Variants in ADAMTS12 observed in about 807,000 individuals in gnomAD.
ADAMTS12 encodes ADAM metallopeptidase with thrombospondin type 1 motif 12, also known as A disintegrin and metalloproteinase with thrombospondin motifs 12.
In ADAMTS12, 118 loss-of-function variants were observed where a neutral mutation model predicts 167.8. The observed-to-expected ratio is 0.70, with a 90% CI of 0.61 to 0.82. ADAMTS12 has a LOEUF of 0.82. Among genes scored for constraint, ADAMTS12 ranks in the 40% least tolerant of loss-of-function variants. The pLI is 0.00. For missense variants in ADAMTS12, 1,916 were observed against 1,998.8 expected (o/e 0.96, Z 0.79); for synonymous variants, 704 against 716.9 (o/e 0.98, Z 0.29).
intron 5 of ADAMTS12, among the ~76,000 whole-genome samples, chr5:33,677,934 G>C (rs1431508397): frequency 6.6e-6 from 1 of 152,104 alleles, no homozygotes; most frequent in Non-Finnish European, 1.5e-5. Context: ...GTGGTCTTTA[G>C]ATGGTGGTAA....
intron 22 of ADAMTS12, among the ~76,000 whole-genome samples, chr5:33,537,345 T>C (rs1744469076): frequency 6.6e-6 from 1 of 152,220 alleles, no homozygotes; most frequent in African/African-American, 2.4e-5. Context: ...TTAAGGTAAA[T>C]GCAAAAGATG....
intron 3 of ADAMTS12, among the ~76,000 whole-genome samples, chr5:33,739,266 TAAAC>T (rs940730629): frequency 3.3e-5 from 5 of 151,610 alleles, no homozygotes; most frequent in African/African-American, 1.2e-4. Flanking sequence ...CACACACACA[TAAAC>T]ACACACACAT....
chr5:33,709,136 A>G (rs1743300274), intron 3 of ADAMTS12, among the ~76,000 whole-genome samples: 1 of 152,316 alleles, frequency 6.6e-6, no homozygotes, highest in African/African-American at 2.4e-5. Flanking sequence ...AGAAATGCAA[A>G]TCGAAACCAC....
chr5:33,546,200 G>T lies in ADAMTS12; in HGVS notation c.4305C>A (p.Cys1435Ter), dbSNP rs757485140. 2.9e-5 allele frequency: 47 copies of T among 1,611,294 alleles called. No individual in the cohort carries two copies. The highest frequency in any genetic ancestry group is 3.9e-5 in the Non-Finnish European group (46 of 1,179,080). ...GAACTCCACCTCCACAGGACCTGGA[G>T]CACTGATACACAGCAGTGACAAGAT... ...EAWQVEPWSQ[C>*]SRSCGGGVQE... The change falls in exon 22 of 24, where the codon TGC becomes TGA. Residue 1435 changes from cysteine (C) to a stop codon, truncating the protein, a stop_gained and splice_region_variant. Coordinates refer to ENST00000504830, the MANE Select transcript of ADAMTS12 (RefSeq NM_030955.4). LOFTEE classifies it high-confidence loss of function.
intron 3 of ADAMTS12, among the ~76,000 whole-genome samples, chr5:33,697,387 AC>A (rs1022416437): frequency 2.4e-4 from 36 of 152,214 alleles, no homozygotes; most frequent in African/African-American, 8.4e-4. Flanking sequence ...TTCAGTGAGC[AC>A]CTGTTTGTTT....
intron 13 of ADAMTS12, 22 bp downstream of exon 13, chr5:33,630,758 A>G: frequency 6.3e-7 from 1 of 1,598,350 alleles, no homozygotes; most frequent in Non-Finnish European, 8.6e-7. Context: ...AAAGTTGTAG[A>G]TTAAGGAAAC....
chr5:33,741,417 G>A (rs918125667), intron 3 of ADAMTS12, among the ~76,000 whole-genome samples: 2 of 152,078 alleles, frequency 1.3e-5, no homozygotes, highest in African/African-American at 4.8e-5. Context: ...CTTCTTATGA[G>A]GGCAAAGTCA....
chr5:33,601,726 A>G (rs570817219), intron 16 of ADAMTS12, among the ~76,000 whole-genome samples: 2 of 152,344 alleles, frequency 1.3e-5, no homozygotes, highest in South Asian at 2.1e-4. Flanking sequence ...TTTTACTATC[A>G]TCATTTGTTG....
At chr5:33,581,074 A>T (rs1268479723) in intron 18 of ADAMTS12, among the ~76,000 whole-genome samples, 2 of 152,210 alleles carry the variant, frequency 1.3e-5, no homozygotes, top group Non-Finnish European at 2.9e-5. Flanking sequence ...CTTTTCTCCT[A>T]GTCACTGCAG....
At chr5:33,808,235 G>A (rs911603158) in intron 2 of ADAMTS12, among the ~76,000 whole-genome samples, 1 of 152,156 alleles carries the variant, frequency 6.6e-6, no homozygotes, top group African/African-American at 2.4e-5. Flanking sequence ...GCAGGGCCTG[G>A]GAAAAGCTAT....
At chr5:33,627,355 GTGATGGTGGTGGTGT>G (rs1441885073) in intron 13 of ADAMTS12, among the ~76,000 whole-genome samples, 4 of 140,576 alleles carry the variant, frequency 2.8e-5, no homozygotes, top group African/African-American at 5.8e-5. Context: ...AGTGATGGTG[GTGATGGTGGTGGTGT>G]TGATGGTGGT....
At chr5:33,605,554 T>C (rs1738391476) in intron 16 of ADAMTS12, among the ~76,000 whole-genome samples, 1 of 152,076 alleles carries the variant, frequency 6.6e-6, no homozygotes, top group South Asian at 2.1e-4. Flanking sequence ...TAGGACACAG[T>C]TGAAGAGTAA....
chr5:33,671,664 G>A (rs1254889386), intron 5 of ADAMTS12, among the ~76,000 whole-genome samples: 2 of 152,010 alleles, frequency 1.3e-5, no homozygotes. Flanking sequence ...TAGTCTTTCA[G>A]ATGAGTTACA....
rs59995437 is a variant in ADAMTS12, at chr5:33,536,597, A to AAGTGAAT, written c.4447-1606_4447-1605insATTCACT. Among the ~76,000 whole-genome samples, 1,156 of 152,262 alleles carry AAGTGAAT rather than the reference A, an allele frequency of 7.6e-3. 13 individuals carry two copies. Among genetic ancestry groups the AAGTGAAT allele is most frequent in the African/African-American group, 0.026 (1,094 of 41,554 alleles). On this transcript the variant is annotated intron_variant, in intron 22 of 23. Coordinates refer to ENST00000504830, the MANE Select transcript of ADAMTS12 (RefSeq NM_030955.4). ...CTTGTGTAGTTTCACTTAATAATAG[A>AAGTGAAT]TCATAGAGGTTACGAGTGATTCCAA...
In ADAMTS12 at chr5:33,637,650, C is replaced by T. The variant is rs1255409579; in HGVS notation, c.1815G>A (p.Gln605=). ...CAGTGTCAAATTCACTGCACTGCAT[C>T]TGCCGAAATGTTGGTGCCTCTGAGC... ...PCRSEAPTFR[Q]MQCSEFDTVP... Residue 605 remains glutamine, a synonymous_variant, in exon 12 of 24, where the codon CAG becomes CAA. Transcript: ENST00000504830. The T allele has an allele frequency of 6.2e-7, 1 of 1,613,822 alleles. No individual in the cohort carries two copies.
At chr5:33,623,304 A>G (rs1739420342) in intron 14 of ADAMTS12, among the ~76,000 whole-genome samples, 1 of 152,146 alleles carries the variant, frequency 6.6e-6, no homozygotes, top group African/African-American at 2.4e-5. Context: ...TACTCCCAGC[A>G]TCTCTATGGA....
At chr5:33,840,216 T>A (rs1321097451) in intron 2 of ADAMTS12, 1 of 152,242 alleles carries the variant, frequency 6.6e-6, no homozygotes, top group Admixed American at 6.5e-5. Flanking sequence ...CATAGCCTAC[T>A]TTATTCTTTT....
intron 1 of ADAMTS12, among the ~76,000 whole-genome samples, chr5:33,884,987 T>A (rs1379833946): frequency 6.6e-6 from 1 of 152,200 alleles, no homozygotes; most frequent in East Asian, 1.9e-4. Context: ...AATGTTATAC[T>A]CTTCCAAGTC....
Position 33,549,354 on chromosome 5 carries a change from C to A in ADAMTS12, c.4155G>T (p.Lys1385Asn). 6.2e-7 allele frequency: 1 copy of A among 1,614,028 alleles called. No homozygotes were observed. Among genetic ancestry groups the A allele is most frequent in the Non-Finnish European group, 8.5e-7 (1 of 1,179,864 alleles). Reference protein sequence around the residue: ...KCSRNCSGGFKIREIQCVDSR... With the variant: ...KCSRNCSGGFNIREIQCVDSR... Reference sequence around the variant, plus strand: ...TGTCCACGCACTGAATCTCGCGTATCTTGAAGCCCCCACTGCAGTTTCTGG... The same window carrying A: ...TGTCCACGCACTGAATCTCGCGTATATTGAAGCCCCCACTGCAGTTTCTGG... The change falls in exon 21 of 24, where the codon AAG becomes AAT. Residue 1385 changes from lysine (K) to asparagine (N), a missense_variant. Coordinates refer to ENST00000504830, the MANE Select transcript of ADAMTS12 (RefSeq NM_030955.4).
Sources: allele counts gnomAD v4.1 joint callset (sites outside exome capture counted in the v4.1 genomes callset), GRCh38; gene constraint gnomAD v4.1.1; transcripts MANE v1.5; gene names NCBI Gene and HGNC (gene_info 2026-07-23, HGNC 2026-07-21).